Variants in HOOK3 observed in about 807,000 individuals in gnomAD.
HOOK3 encodes the protein protein Hook homolog 3.
In HOOK3, 24 loss-of-function variants were observed where a neutral mutation model predicts 116.3. The observed-to-expected ratio is 0.21, with a 90% CI of 0.15 to 0.29. HOOK3 has a LOEUF of 0.29. Among genes scored for constraint, HOOK3 ranks in the 10% least tolerant of loss-of-function variants. The probability of loss-of-function intolerance (pLI) is 1.00; values close to 1 mark genes in which losing one functional copy is unlikely to be tolerated. For synonymous variants in HOOK3, 275 were observed against 283.0 expected (o/e 0.97, Z 0.28); for missense variants, 632 against 830.2 (o/e 0.76, Z 2.93).
intron 2 of HOOK3, among the ~76,000 whole-genome samples, chr8:42,911,137 C>G (rs1281667406): frequency 6.6e-6 from 1 of 152,188 alleles, no homozygotes; most frequent in Non-Finnish European, 1.5e-5. Flanking sequence ...CCAGACCATG[C>G]AGAGCTGTGT....
chr8:42,951,003 A>G (rs1288198421), intron 6 of HOOK3, among the ~76,000 whole-genome samples: 1 of 151,856 alleles, frequency 6.6e-6, no homozygotes, highest in Non-Finnish European at 1.5e-5. Flanking sequence ...CTAATTTTTT[A>G]AAGTGCCCTT....
At position 43,019,178 on chromosome 8, in the gene HOOK3, C is replaced by T. The variant is rs902501532; in HGVS notation, c.*680C>T. 23 of 210,462 alleles carry T rather than the reference C, an allele frequency of 1.1e-4. No homozygotes were observed. The highest frequency in any genetic ancestry group is 1.7e-4 in the Non-Finnish European group (18 of 103,744). 13.0% of individuals were successfully genotyped at this position (210,462 alleles called of 1,614,324 possible). A position where few individuals can be genotyped will look rare whatever the true frequency, so the allele number is the denominator to read the frequency against. ...ATAAATACATAAAATTTCATTATTT[C>T]CTGCTATCTTGTTTGCTGGCAGAAG... On this transcript the variant is annotated 3_prime_UTR_variant, in exon 22 of 22. Transcript: ENST00000307602.
intron 2 of HOOK3, among the ~76,000 whole-genome samples, chr8:42,913,290 T>C (rs1807469153): frequency 6.6e-6 from 1 of 152,222 alleles, no homozygotes; most frequent in South Asian, 2.1e-4. Context: ...TCTTTCCTGC[T>C]ACCCTCTTTC....
intron 4 of HOOK3, among the ~76,000 whole-genome samples, chr8:42,940,083 C>T (rs958424595): frequency 1.3e-4 from 20 of 152,324 alleles, no homozygotes; most frequent in East Asian, 7.7e-4. Context: ...GACGGGGCGG[C>T]GGCCGGGCAG....
intron 1 of HOOK3, among the ~76,000 whole-genome samples, chr8:42,902,236 G>C (rs376021008): frequency 6.6e-6 from 1 of 151,240 alleles, no homozygotes; most frequent in East Asian, 1.9e-4. Context: ...TTCTGATTCA[G>C]TAGGGGGAGC....
intron 1 of HOOK3, among the ~76,000 whole-genome samples, chr8:42,898,586 C>T (rs1413231225): frequency 6.6e-6 from 1 of 152,154 alleles, no homozygotes; most frequent in Admixed American, 6.5e-5. Flanking sequence ...TGCTGAGGAA[C>T]TTAAGATTTA....
At chr8:43,000,010 T>A (rs1809349536) in intron 16 of HOOK3, among the ~76,000 whole-genome samples, 1 of 152,004 alleles carries the variant, frequency 6.6e-6, no homozygotes, top group Admixed American at 6.6e-5. Context: ...TAGCCAGGCA[T>A]GGTGGCGGGT....
At chr8:43,001,925 G>A (rs751389289) in intron 16 of HOOK3, among the ~76,000 whole-genome samples, 182 bp from the exon 17 acceptor site, 5 of 152,258 alleles carry the variant, frequency 3.3e-5, no homozygotes, top group Middle Eastern at 3.4e-3. Context: ...TCCCTTAGGG[G>A]CTGTGCTCTC....
chr8:43,015,693 T>C (rs1483662993), intron 21 of HOOK3, among the ~76,000 whole-genome samples: 2 of 152,198 alleles, frequency 1.3e-5, no homozygotes, highest in Non-Finnish European at 2.9e-5. Context: ...GAGCTCTGCA[T>C]TTCAGGCCTT....
In HOOK3 at chr8:43,020,181, AT is replaced by A; in HGVS notation, c.*1689del. ...AGAACTGGAGCCATACATTGTGCTAATTTTTTACATTAAGTACAGAAGTCTG... is the reference window on the plus strand; with the variant it reads ...AGAACTGGAGCCATACATTGTGCTAATTTTTACATTAAGTACAGAAGTCTG... On this transcript the variant is annotated 3_prime_UTR_variant, in exon 22 of 22. Coordinates refer to ENST00000307602, the MANE Select transcript of HOOK3 (RefSeq NM_032410.4). 1 of 198,734 alleles carries A rather than the reference AT, an allele frequency of 5.0e-6. No individual in the cohort carries two copies. The highest frequency in any genetic ancestry group is 1.0e-5 in the Non-Finnish European group (1 of 96,126). 12.3% of individuals were successfully genotyped at this position (198,734 alleles called of 1,614,324 possible).
At chr8:42,991,879 G>T (rs558333720) in intron 15 of HOOK3, among the ~76,000 whole-genome samples, 10 of 152,132 alleles carry the variant, frequency 6.6e-5, no homozygotes, top group Admixed American at 5.2e-4. Flanking sequence ...GTGAGCCACC[G>T]CACCCAGCAT....
rs530793930 is a variant in HOOK3, at chr8:42,929,153, A to G, written c.217-969A>G. On this transcript the variant is annotated intron_variant, in intron 3 of 21. Transcript: ENST00000307602. ...TTGATTTTCAAGGCATCTAATTTCAAATATTAAAAATACGGGAAAATGAAC... is the reference window on the plus strand; with the variant it reads ...TTGATTTTCAAGGCATCTAATTTCAGATATTAAAAATACGGGAAAATGAAC... Among the ~76,000 whole-genome samples the G allele has an allele frequency of 7.9e-5, 12 of 152,336 alleles. No homozygotes were observed. The East Asian group carries it at 1.5e-3, about 20-fold the overall frequency.
At chr8:42,954,986 T>C (rs776823545) in intron 6 of HOOK3, among the ~76,000 whole-genome samples, 31 of 152,176 alleles carry the variant, frequency 2.0e-4, no homozygotes, top group Non-Finnish European at 3.8e-4. Context: ...TGTGGAATAA[T>C]CTCTGATGAA....
intron 5 of HOOK3, among the ~76,000 whole-genome samples, chr8:42,947,189 A>C (rs1249025444): frequency 6.6e-6 from 1 of 152,196 alleles, no homozygotes; most frequent in Non-Finnish European, 1.5e-5. Context: ...TGTTCTGTCA[A>C]AGATTAGGAG....
chr8:42,919,109 G>A lies in HOOK3; in HGVS notation c.144-6448G>A, dbSNP rs577643073. ...GGGGCTGCCCCCCATCACCCAGACAGGGCGGCTGCCGGGTGGAGACGCTCC... is the reference window on the plus strand; with the variant it reads ...GGGGCTGCCCCCCATCACCCAGACAAGGCGGCTGCCGGGTGGAGACGCTCC... On this transcript the variant is annotated intron_variant, in intron 2 of 21. Coordinates refer to ENST00000307602, the MANE Select transcript of HOOK3 (RefSeq NM_032410.4). Among the ~76,000 whole-genome samples, 3 of 152,168 alleles carry A rather than the reference G, an allele frequency of 2.0e-5. No individual in the cohort carries two copies. In the East Asian group the frequency reaches 5.8e-4, roughly 30 times the overall value.
In HOOK3 at chr8:42,908,976, A is replaced by T. The variant is rs866767142; in HGVS notation, c.143+2718A>T. Among the ~76,000 whole-genome samples, 24 of 152,372 alleles carry T rather than the reference A, an allele frequency of 1.6e-4. 1 individual carries two copies. Among genetic ancestry groups the T allele is most frequent in the African/African-American group, 5.3e-4 (22 of 41,590 alleles). ...GCACCTGAATATCAAGAGAACAGAT[A>T]ACTGAATTTAAAAAAGCATGAAGGA... is the stretch of plus-strand genomic sequence containing the variant. On this transcript the variant is annotated intron_variant, in intron 2 of 21. Transcript: ENST00000307602.
In HOOK3 at chr8:43,022,115, A is replaced by G; in HGVS notation, c.*3617A>G. 2 of 199,542 alleles carry G rather than the reference A, an allele frequency of 1.0e-5. No homozygotes were observed. Among genetic ancestry groups the G allele is most frequent in the Non-Finnish European group, 2.1e-5 (2 of 97,066 alleles). The allele number at this position is 199,542 out of a possible 1,614,324, so 12.4% of individuals were successfully genotyped here. A position where few individuals can be genotyped will look rare whatever the true frequency, so the allele number is the denominator to read the frequency against. ...AAAAAAAAAAAAAAAACTTCTGAAT[A>G]TACTTTAGGTATCAGAAAGCCAAGA... On this transcript the variant is annotated 3_prime_UTR_variant, in exon 22 of 22. Transcript: ENST00000307602.
In HOOK3 at chr8:42,983,930, G is replaced by T. The variant is rs550053340; in HGVS notation, c.1391+1234G>T. ...TTTGCCCCTTTTCAAAATGGACACT[G>T]GCCTTGCTTCTTCATAAACTCCTTG... On this transcript the variant is annotated intron_variant, in intron 14 of 21. Coordinates refer to ENST00000307602, the MANE Select transcript of HOOK3 (RefSeq NM_032410.4). Among the ~76,000 whole-genome samples, 3 of 152,214 alleles carry T rather than the reference G, an allele frequency of 2.0e-5. No homozygotes were observed. The South Asian group carries it at 6.2e-4, about 32-fold the overall frequency.
At chr8:43,012,920 AC>A in intron 19 of HOOK3, 130 bp from the exon 20 acceptor site, 1 of 622,006 alleles carries the variant, frequency 1.6e-6, no homozygotes, top group East Asian at 3.1e-5. Flanking sequence ...TTTTTAAAAT[AC>A]CCTTGTAAGA....
Sources: allele counts gnomAD v4.1 joint callset (sites outside exome capture counted in the v4.1 genomes callset), GRCh38; gene constraint gnomAD v4.1.1; transcripts MANE v1.5; gene names NCBI Gene and HGNC (gene_info 2026-07-23, HGNC 2026-07-21).